Variants in SORCS2 observed in about 807,000 individuals in gnomAD.
SORCS2 encodes the protein sortilin related VPS10 domain containing receptor 2.
In SORCS2, 100 loss-of-function variants were observed where a neutral mutation model predicts 141.6. The ratio of observed to expected loss-of-function variants is 0.71; its 90% CI spans 0.60 to 0.83. SORCS2 has a LOEUF of 0.83. SORCS2 is among the 40% of genes least tolerant of loss of function. SORCS2 has a pLI of 0.00. For synonymous variants in SORCS2, 789 were observed against 676.9 expected (o/e 1.17, Z -2.57); for missense variants, 1,646 against 1,560.2 (o/e 1.05, Z -0.93).
chr4:7,418,709 C>CCG (rs1553859465), intron 2 of SORCS2, among the ~76,000 whole-genome samples: 1 of 117,188 alleles, frequency 8.5e-6, no homozygotes, highest in Admixed American at 8.6e-5. Context: ...ATGACCCCCC[C>CCG]CCCCACCAGA....
chr4:7,381,251 G>T (rs1722978377), intron 1 of SORCS2, among the ~76,000 whole-genome samples: 1 of 152,198 alleles, frequency 6.6e-6, no homozygotes, highest in African/African-American at 2.4e-5. Context: ...GCTCTCTTTG[G>T]AGGGGATGGC....
chr4:7,519,913 G>A (rs13134855), intron 2 of SORCS2, among the ~76,000 whole-genome samples: 12,779 of 152,302 alleles, frequency 0.084, 1,222 homozygotes, highest in African/African-American at 0.24. Flanking sequence ...TGTTAAGCAG[G>A]CGGGGCAGGG....
chr4:7,735,570 A>C (rs1712099117), intron 25 of SORCS2, among the ~76,000 whole-genome samples: 1 of 152,104 alleles, frequency 6.6e-6, no homozygotes, highest in Non-Finnish European at 1.5e-5. Flanking sequence ...TTCCCTGAGG[A>C]AGTGACTTCT....
chr4:7,230,724 A>C (rs1381669325), intron 1 of SORCS2, among the ~76,000 whole-genome samples: 2 of 150,076 alleles, frequency 1.3e-5, no homozygotes, highest in Non-Finnish European at 3.0e-5. Context: ...GAAGGAGATG[A>C]AGATGGTCAA....
intron 3 of SORCS2, among the ~76,000 whole-genome samples, chr4:7,559,918 A>T (rs371557455): frequency 6.6e-6 from 1 of 152,200 alleles, no homozygotes; most frequent in Non-Finnish European, 1.5e-5. Context: ...GCCAGGCGCT[A>T]TGGAGTTGAG....
At chr4:7,239,034 T>C (rs1712495320) in intron 1 of SORCS2, among the ~76,000 whole-genome samples, 2 of 152,222 alleles carry the variant, frequency 1.3e-5, no homozygotes, top group Admixed American at 6.5e-5. Flanking sequence ...AGCAGGGAGC[T>C]GGGCACAGCA....
chr4:7,536,339 T>A (rs1215252771), intron 3 of SORCS2, among the ~76,000 whole-genome samples: 1 of 152,228 alleles, frequency 6.6e-6, no homozygotes, highest in Non-Finnish European at 1.5e-5. Context: ...GATAGTGGTC[T>A]TTGCAACAAG....
At chr4:7,542,157 G>A (rs1712727951) in intron 3 of SORCS2, among the ~76,000 whole-genome samples, 2 of 152,332 alleles carry the variant, frequency 1.3e-5, no homozygotes, top group South Asian at 2.1e-4. Flanking sequence ...CCTCATGGGC[G>A]GAGGGTTGGG....
intron 2 of SORCS2, among the ~76,000 whole-genome samples, chr4:7,457,604 T>C (rs1230224752): frequency 1.4e-5 from 2 of 139,592 alleles, no homozygotes; most frequent in South Asian, 2.3e-4. Context: ...CACCAGGGAG[T>C]GTGCCCTAGT....
Position 7,396,416 on chromosome 4 carries a change from T to C in SORCS2, c.548+61T>C, listed in dbSNP as rs2109113744. The C allele has an allele frequency of 1.5e-5, 23 of 1,567,978 alleles. No homozygotes were observed. In the South Asian group the frequency reaches 2.5e-4, roughly 17 times the overall value. The stretch of plus-strand genomic sequence containing the variant: ...ACCTGCGTGCCATCTTCCCAGGCTC[T>C]CAGCTGAGGACCGAGATCCAAACAC... On this transcript the variant is annotated intron_variant, in intron 2 of 26. Transcript: ENST00000507866.
chr4:7,535,286 G>A (rs1712022337), intron 3 of SORCS2, among the ~76,000 whole-genome samples: 2 of 152,236 alleles, frequency 1.3e-5, no homozygotes, highest in African/African-American at 4.8e-5. Context: ...CCCTGATGCT[G>A]CAGGAACTGC....
chr4:7,448,733 CCGTACTTCCT>C (rs1728181445), intron 2 of SORCS2, among the ~76,000 whole-genome samples: 4 of 88,416 alleles, frequency 4.5e-5, no homozygotes, highest in African/African-American at 4.7e-5. Context: ...TCCCTCCCTT[CCGTACTTCCT>C]CTCCCCTCCC....
intron 3 of SORCS2, among the ~76,000 whole-genome samples, chr4:7,618,792 G>C (rs1366031301): frequency 6.6e-6 from 1 of 151,704 alleles, no homozygotes; most frequent in Non-Finnish European, 1.5e-5. Context: ...TTCACTATTT[G>C]AGAGTATATT....
intron 2 of SORCS2, among the ~76,000 whole-genome samples, chr4:7,428,741 G>A (rs1055770723): frequency 2.0e-5 from 3 of 152,156 alleles, no homozygotes; most frequent in Admixed American, 2.0e-4. Flanking sequence ...CTGCACCAGG[G>A]TGGGGTCCAC....
At chr4:7,285,038 T>TATA (rs1560164185) in intron 1 of SORCS2, among the ~76,000 whole-genome samples, 4 of 34,392 alleles carry the variant, frequency 1.2e-4, no homozygotes, top group East Asian at 5.7e-4. Context: ...ATATATATAT[T>TATA]TTTTTTTTTT....
At chr4:7,469,093 CTGGCTGTGATGGTGG>C (rs1205824171) in intron 2 of SORCS2, among the ~76,000 whole-genome samples, 13 of 151,582 alleles carry the variant, frequency 8.6e-5, no homozygotes, top group African/African-American at 2.7e-4. Flanking sequence ...TATAGTGAGG[CTGGCTGTGATGGTGG>C]TGGTGGTGAT....
chr4:7,447,435 G>C (rs569476507), intron 2 of SORCS2, among the ~76,000 whole-genome samples: 217 of 152,360 alleles, frequency 1.4e-3, no homozygotes, highest in Middle Eastern at 0.01. Context: ...CCATTTTCCA[G>C]ATGGGAACAC....
chr4:7,458,843 A>G (rs867439462), intron 2 of SORCS2, among the ~76,000 whole-genome samples: 15 of 152,176 alleles, frequency 9.9e-5, no homozygotes, highest in South Asian at 6.2e-4. Flanking sequence ...GGTGGAGGCA[A>G]TGCTTAATGG....
At chr4:7,402,885 G>A (rs78380788) in intron 2 of SORCS2, among the ~76,000 whole-genome samples, 2,763 of 151,700 alleles carry the variant, frequency 0.018, 88 homozygotes, top group African/African-American at 0.064. Context: ...CTCATATCTC[G>A]TGCCTGTCTT....
Sources: gnomAD v4.1 joint callset for allele counts (sites outside exome capture counted in the v4.1 genomes callset) on GRCh38, gnomAD v4.1.1 for gene constraint, MANE v1.5 for transcripts, NCBI Gene and HGNC (gene_info 2026-07-23, HGNC 2026-07-21) for gene names.